Variants in INTS2 observed in about 807,000 individuals in gnomAD.
INTS2 encodes KIAA1287.
INTS2 carries 57 observed loss-of-function variants against 139.6 expected under a neutral mutation model. The ratio of observed to expected loss-of-function variants is 0.41; its 90% CI spans 0.33 to 0.51. The LOEUF is 0.51. INTS2 is among the 20% of genes least tolerant of loss of function. The pLI, the probability that INTS2 is intolerant of heterozygous loss-of-function variation, is 0.28. For missense variants in INTS2, 1,196 were observed against 1,436.7 expected, an observed-to-expected ratio of 0.83 and a Z score of 2.71; for synonymous variants, 473 against 493.4, an observed-to-expected ratio of 0.96 and a Z score of 0.55.
At chr17:61,874,753 T>C (rs1290759162) in intron 19 of INTS2, among the ~76,000 whole-genome samples, 160 bp downstream of exon 19, 1 of 152,068 alleles carries the variant, frequency 6.6e-6, no homozygotes, top group Non-Finnish European at 1.5e-5. Context: ...ATTTCATGAA[T>C]AAACACAACT....
At chr17:61,906,856 G>A (rs936367300) in intron 8 of INTS2, among the ~76,000 whole-genome samples, 10 of 149,276 alleles carry the variant, frequency 6.7e-5, no homozygotes, top group African/African-American at 1.7e-4. Flanking sequence ...AAAATTAGCC[G>A]GGTGTGGTGA....
Position 61,897,049 on chromosome 17 carries a change from C to T in INTS2, c.1494+420G>A, listed in dbSNP as rs1204485309. On this transcript the variant is annotated intron_variant, in intron 11 of 24. Transcript: ENST00000251334. This position sits in a 1 kb window ranked among gnomAD's most constrained non-coding sequence, Gnocchi z 4.4. ...ATCTACATGGGAAATAATAAGGGAC[C>T]TATTAAGAAGATCAAACAATGGACT... Among the ~76,000 whole-genome samples the T allele has an allele frequency of 6.6e-6, 1 of 151,884 alleles. No homozygotes were observed. The highest frequency in any genetic ancestry group is 2.4e-5 in the African/African-American group (1 of 41,342).
At chr17:61,886,755 G>C (rs1401368762) in intron 15 of INTS2, among the ~76,000 whole-genome samples, 1 of 152,162 alleles carries the variant, frequency 6.6e-6, no homozygotes, top group Non-Finnish European at 1.5e-5. Context: ...CAGGGTGTTT[G>C]TAATTTCACA....
intron 3 of INTS2, among the ~76,000 whole-genome samples, chr17:61,923,236 G>T (rs930476090): frequency 6.6e-6 from 1 of 151,512 alleles, no homozygotes; most frequent in Non-Finnish European, 1.5e-5. Context: ...CCAGCACTTT[G>T]GGAGGCCAAG....
intron 16 of INTS2, 62 bp from the exon 17 acceptor site, chr17:61,881,233 C>A (rs930115335): frequency 7.8e-7 from 1 of 1,286,866 alleles, no homozygotes; most frequent in South Asian, 1.4e-5. Flanking sequence ...GCTTCCCCAC[C>A]CCTCTCATTT....
At chr17:61,879,469 T>C (rs1479985847) in intron 17 of INTS2, among the ~76,000 whole-genome samples, 1 of 152,134 alleles carries the variant, frequency 6.6e-6, no homozygotes, top group Non-Finnish European at 1.5e-5. Context: ...AAGTGTAAAA[T>C]ACACAACAGA....
intron 17 of INTS2, among the ~76,000 whole-genome samples, chr17:61,878,620 T>A (rs1221967899): frequency 2.0e-5 from 3 of 148,450 alleles, no homozygotes; most frequent in African/African-American, 7.8e-5. Context: ...AGTTGTTCTT[T>A]CATAAAGAAC....
At chr17:61,904,307 C>T (rs1213377698) in intron 9 of INTS2, among the ~76,000 whole-genome samples, 153 bp downstream of exon 9, 1 of 152,092 alleles carries the variant, frequency 6.6e-6, no homozygotes, top group Non-Finnish European at 1.5e-5. Context: ...AAGCTAGACC[C>T]CTTCTCTTAA....
At position 61,866,497 on chromosome 17, in the gene INTS2, C is replaced by G. The variant is rs1419454813; in HGVS notation, c.*1060G>C. 1 of 151,848 alleles carries G rather than the reference C, an allele frequency of 6.6e-6. No homozygotes were observed. Among genetic ancestry groups the G allele is most frequent in the East Asian group, 1.9e-4 (1 of 5,190 alleles). 9.4% of individuals were successfully genotyped at this position (151,848 alleles called of 1,614,324 possible). A position where few individuals can be genotyped will look rare whatever the true frequency, so the allele number is the denominator to read the frequency against. ...TTTTTTTTTAATGATTAGGGTTTAC[C>G]TGAATATGTCTGCCTAATCAATGGA... On this transcript the variant is annotated 3_prime_UTR_variant, in exon 25 of 25. Coordinates refer to ENST00000251334, the MANE Select transcript of INTS2 (RefSeq NM_001351695.2).
intron 12 of INTS2, among the ~76,000 whole-genome samples, chr17:61,894,997 T>C (rs2079332698): frequency 6.6e-6 from 1 of 152,216 alleles, no homozygotes; most frequent in African/African-American, 2.4e-5. Flanking sequence ...GGACTTCATT[T>C]TATCTTTCTC....
At chr17:61,878,931 C>CAA (rs35652350) in intron 17 of INTS2, among the ~76,000 whole-genome samples, 7,556 of 44,736 alleles carry the variant, frequency 0.17, 806 homozygotes, top group East Asian at 0.52. Flanking sequence ...ACCCTGTCTC[C>CAA]AAAAAAAAAA....
chr17:61,921,442 C>T, intron 4 of INTS2: 2 of 203,516 alleles, frequency 9.8e-6, no homozygotes, highest in African/African-American at 2.3e-5. Flanking sequence ...TTGCCCTTTG[C>T]TTTTTTCACT....
At chr17:61,920,665 T>C (rs1394425937) in intron 4 of INTS2, among the ~76,000 whole-genome samples, 5 of 151,996 alleles carry the variant, frequency 3.3e-5, no homozygotes, top group East Asian at 2.0e-4. Context: ...TAGCTGGGCA[T>C]GGTGCCGCAT....
rs1187932631 is a variant in INTS2 at position 61,897,592 on chromosome 17, A to C, written c.1380-9T>G. The stretch of plus-strand genomic sequence containing the variant: ...CAGAGACGCCTGAAGTACTGTCAAA[A>C]CAAAATAGGAAATATGAATTTTCCA... On this transcript the variant is annotated splice_polypyrimidine_tract_variant and intron_variant, in intron 10 of 24. Coordinates refer to ENST00000251334, the MANE Select transcript of INTS2 (RefSeq NM_001351695.2). The surrounding 1 kb of genome is among the most constrained non-coding windows in gnomAD (Gnocchi z 4.4). The C allele has an allele frequency of 6.3e-7, 1 of 1,591,420 alleles. No individual in the cohort carries two copies. The highest frequency in any genetic ancestry group is 1.1e-5 in the South Asian group (1 of 87,756).
chr17:61,916,187 C>G (rs972277399), intron 5 of INTS2, among the ~76,000 whole-genome samples: 1 of 152,144 alleles, frequency 6.6e-6, no homozygotes, highest in African/African-American at 2.4e-5. Flanking sequence ...GTAATCCCAG[C>G]ACTTTGGTAG....
intron 14 of INTS2, 43 bp from the exon 15 acceptor site, chr17:61,889,937 A>G: frequency 8.1e-7 from 1 of 1,240,350 alleles, no homozygotes. Flanking sequence ...TCTGAATTTC[A>G]CGAGTGCTTT....
chr17:61,888,751 G>A (rs1024416983), intron 15 of INTS2, among the ~76,000 whole-genome samples: 7 of 151,966 alleles, frequency 4.6e-5, no homozygotes, highest in East Asian at 1.9e-4. Flanking sequence ...TCGGCCAGGC[G>A]CAGTGGCTCA....
chr17:61,896,556 T>G (rs2079351946), intron 11 of INTS2, among the ~76,000 whole-genome samples: 1 of 152,162 alleles, frequency 6.6e-6, no homozygotes, highest in Admixed American at 6.5e-5. Flanking sequence ...TAATGACATA[T>G]CTTTCCTTTT....
At chr17:61,884,535 T>C (rs940578326) in intron 16 of INTS2, among the ~76,000 whole-genome samples, 1 of 152,006 alleles carries the variant, frequency 6.6e-6, no homozygotes, top group South Asian at 2.1e-4. Flanking sequence ...TAGTGTACAA[T>C]ACTATTCAGA....
Sources: gnomAD v4.1 joint callset for allele counts (sites outside exome capture counted in the v4.1 genomes callset) on GRCh38, gnomAD v4.1.1 for gene constraint, Gnocchi (gnomAD v3.1) non-coding constraint, MANE v1.5 for transcripts, NCBI Gene and HGNC (gene_info 2026-07-23, HGNC 2026-07-21) for gene names.